EFCAB3: variants seen among roughly 807,000 people sequenced by gnomAD.
EFCAB3 encodes the protein EF-hand calcium-binding domain-containing protein 3.
In EFCAB3, 36 loss-of-function variants were observed where a neutral mutation model predicts 42.2. The ratio of observed to expected loss-of-function variants is 0.85; its 90% CI spans 0.65 to 1.13. The LOEUF (loss-of-function observed/expected upper bound fraction) is 1.13. Among genes scored for constraint, EFCAB3 ranks in the 50% most tolerant of loss-of-function variants. The probability of loss-of-function intolerance (pLI) is 0.00; values close to 1 mark genes in which losing one functional copy is unlikely to be tolerated. For missense variants in EFCAB3, 418 were observed against 505.1 expected (o/e 0.83, Z 1.65); for synonymous variants, 170 against 172.8 (o/e 0.98, Z 0.13).
intron 1 of EFCAB3, among the ~76,000 whole-genome samples, chr17:62,373,662 G>A (rs1460992688): frequency 3.3e-5 from 5 of 152,038 alleles, no homozygotes; most frequent in Admixed American, 3.3e-4. Flanking sequence ...TCACCTGACA[G>A]AAAAATGAAT....
chr17:62,396,049 C>A (rs899162361), intron 6 of EFCAB3, among the ~76,000 whole-genome samples: 1 of 152,152 alleles, frequency 6.6e-6, no homozygotes, highest in Non-Finnish European at 1.5e-5. Context: ...GCTGTTGGTA[C>A]ACAAATTCAA....
chr17:62,399,065 G>A (rs77820365), intron 6 of EFCAB3, among the ~76,000 whole-genome samples: 6,284 of 152,042 alleles, frequency 0.041, 453 homozygotes, highest in African/African-American at 0.14. Context: ...AACACTCCCT[G>A]TGCCTAGCTG....
intron 4 of EFCAB3, 26 bp from the exon 5 acceptor site, chr17:62,393,547 T>C (rs1309532175): frequency 4.6e-5 from 73 of 1,572,636 alleles, no homozygotes; most frequent in Non-Finnish European, 6.3e-5. Context: ...CTTATCCTTG[T>C]CCTGAGTCTC....
chr17:62,373,985 T>C, intron 2 of EFCAB3: 1 of 516,604 alleles, frequency 1.9e-6, no homozygotes, highest in South Asian at 4.1e-5. Context: ...TTTCTATATT[T>C]AGCAAATGAA....
intron 5 of EFCAB3, among the ~76,000 whole-genome samples, chr17:62,394,702 T>A (rs1454243616): frequency 6.6e-6 from 1 of 152,218 alleles, no homozygotes; most frequent in African/African-American, 2.4e-5. Flanking sequence ...TCATTCATAA[T>A]CTATGAACTG....
intron 4 of EFCAB3, among the ~76,000 whole-genome samples, chr17:62,392,723 C>T (rs1472873000): frequency 6.6e-6 from 1 of 151,990 alleles, no homozygotes; most frequent in Non-Finnish European, 1.5e-5. Flanking sequence ...CTGCAACCTC[C>T]GCCTCCTGGG....
intron 6 of EFCAB3, among the ~76,000 whole-genome samples, chr17:62,404,145 G>A (rs547132244): frequency 6.6e-6 from 1 of 152,224 alleles, no homozygotes; most frequent in Non-Finnish European, 1.5e-5. Context: ...TACTTGGGAG[G>A]CTGAGGCAGG....
chr17:62,384,496 T>G (rs1258374056), intron 2 of EFCAB3, among the ~76,000 whole-genome samples: 1 of 152,098 alleles, frequency 6.6e-6, no homozygotes, highest in Non-Finnish European at 1.5e-5. Context: ...ACACTTGTAG[T>G]CCCAGCTACT....
upstream of EFCAB3, among the ~76,000 whole-genome samples, chr17:62,376,467 A>C (rs1212443370): frequency 6.6e-6 from 1 of 152,194 alleles, no homozygotes; most frequent in Non-Finnish European, 1.5e-5. Context: ...CTGCCTAAAA[A>C]AACTTTTAAA....
At chr17:62,402,219 A>G (rs1041879620) in intron 6 of EFCAB3, among the ~76,000 whole-genome samples, 5 of 152,194 alleles carry the variant, frequency 3.3e-5, no homozygotes, top group African/African-American at 9.7e-5. Flanking sequence ...TAAATATGCA[A>G]TCATATCATC....
chr17:62,394,273 C>A (rs1485035562), intron 5 of EFCAB3, among the ~76,000 whole-genome samples: 1 of 152,076 alleles, frequency 6.6e-6, no homozygotes, highest in Admixed American at 6.5e-5. Context: ...GAATTCTTTA[C>A]CAAGTGTATG....
At chr17:62,391,592 A>G (rs1260273685) in intron 3 of EFCAB3, among the ~76,000 whole-genome samples, 1 of 152,106 alleles carries the variant, frequency 6.6e-6, no homozygotes, top group Non-Finnish European at 1.5e-5. Flanking sequence ...TATCTTTGGA[A>G]AGCCATCTTA....
At chr17:62,389,638 C>A (rs2070285517) in intron 3 of EFCAB3, among the ~76,000 whole-genome samples, 1 of 152,044 alleles carries the variant, frequency 6.6e-6, no homozygotes, top group African/African-American at 2.4e-5. Flanking sequence ...TTTCCGTAGA[C>A]CCTCACCTCC....
intron 8 of EFCAB3, among the ~76,000 whole-genome samples, chr17:62,409,869 A>G (rs1319778106): frequency 2.0e-5 from 3 of 152,134 alleles, no homozygotes; most frequent in East Asian, 1.9e-4. Flanking sequence ...CATATGTAGT[A>G]TATTACATCT....
At chr17:62,383,089 ATGATAAAGAATTATTAGTGTTACAGC>A (rs1363160914) in intron 2 of EFCAB3, 36 bp downstream of exon 2, 34 of 1,546,854 alleles carry the variant, frequency 2.2e-5, no homozygotes, top group Non-Finnish European at 3.0e-5. Context: ...TAAATGTATT[ATGATAAAGAATTATTAGTGTTACAGC>A]TCTTTTAGAA....
intron 3 of EFCAB3, among the ~76,000 whole-genome samples, chr17:62,391,447 G>A (rs1212458299): frequency 6.6e-6 from 1 of 152,020 alleles, no homozygotes; most frequent in South Asian, 2.1e-4. Flanking sequence ...TTTCTGCCAC[G>A]TCTCTCCAGC....
chr17:62,379,154 A>G (rs1052892174), upstream of EFCAB3, among the ~76,000 whole-genome samples: 3 of 152,046 alleles, frequency 2.0e-5, no homozygotes, highest in Non-Finnish European at 4.4e-5. Context: ...TGGGCATGGT[A>G]GCTCACGCCT....
intron 2 of EFCAB3, among the ~76,000 whole-genome samples, chr17:62,384,363 C>CTGTGAGCCT (rs2070230067): frequency 6.6e-6 from 1 of 152,080 alleles, no homozygotes; most frequent in East Asian, 1.9e-4. Context: ...TGGCCTAGCA[C>CTGTGAGCCT]GGTGGCTCAC....
chr17:62,397,870 A>G, intron 6 of EFCAB3: 1 of 275,674 alleles, frequency 3.6e-6, no homozygotes, highest in East Asian at 1.0e-4. Flanking sequence ...TAAAAATTTA[A>G]AAAAATTAGC....
Sources: allele counts gnomAD v4.1 joint callset (sites outside exome capture counted in the v4.1 genomes callset), GRCh38; gene constraint gnomAD v4.1.1; transcripts MANE v1.5; gene names NCBI Gene and HGNC (gene_info 2026-07-23, HGNC 2026-07-21).